Variants in SMC5 observed in about 807,000 individuals in gnomAD.
SMC5 encodes the protein structural maintenance of chromosomes protein 5.
In SMC5, 88 loss-of-function variants were observed where a neutral mutation model predicts 148.3. That is an observed-to-expected ratio of 0.59 (90% CI 0.50 to 0.71). The LOEUF is 0.71. SMC5 is among the 30% of genes least tolerant of loss of function. The pLI is 0.00. For missense variants in SMC5, 1,142 were observed against 1,298.9 expected, an observed-to-expected ratio of 0.88 and a Z score of 1.86; for synonymous variants, 421 against 432.8, an observed-to-expected ratio of 0.97 and a Z score of 0.34.
chr9:70,290,587 G>T (rs2118290278), intron 8 of SMC5, among the ~76,000 whole-genome samples: 1 of 152,196 alleles, frequency 6.6e-6, no homozygotes, highest in Non-Finnish European at 1.5e-5. Context: ...ACCTTTGCGG[G>T]TTCTCTTGAT....
Position 70,350,195 on chromosome 9 carries a change from C to G in SMC5, c.2971C>G (p.Gln991Glu). The G allele has an allele frequency of 6.2e-7, 1 of 1,613,350 alleles. No individual in the cohort carries two copies. The highest frequency in any genetic ancestry group is 8.5e-7 in the Non-Finnish European group (1 of 1,179,574). ...ACTGCATGAATTAACTCCTCATCAT[C>G]AAAGTGGAGGTGAAAGAAGTGTTTC... ...TQLHELTPHH[Q>E]SGGERSVSTM... Residue 991 changes from glutamine (Q) to glutamate (E), a missense_variant, in exon 23 of 25, where the codon CAA becomes GAA. Physicochemically the swap from Gln to Glu is conservative, Grantham distance 29 (BLOSUM62 2). Around this residue, in one of 5 missense-constraint regions of SMC5, gnomAD observed 743 missense variants for 835.7 expected, o/e 0.89. Coordinates refer to ENST00000361138, the MANE Select transcript of SMC5 (RefSeq NM_015110.4).
At chr9:70,330,212 G>C (rs2036184304) in intron 17 of SMC5, among the ~76,000 whole-genome samples, 1 of 152,170 alleles carries the variant, frequency 6.6e-6, no homozygotes, top group Non-Finnish European at 1.5e-5. Flanking sequence ...TGACATTTTA[G>C]AGTGGATAAA....
intron 3 of SMC5, among the ~76,000 whole-genome samples, chr9:70,273,588 A>G (rs2034508364): frequency 6.6e-6 from 1 of 152,118 alleles, no homozygotes; most frequent in African/African-American, 2.4e-5. Flanking sequence ...CCTAATATGA[A>G]CAGTTAACGT....
chr9:70,315,377 C>T (rs1228948902), intron 12 of SMC5, 69 bp from the exon 13 acceptor site: 3 of 1,090,908 alleles, frequency 2.7e-6, no homozygotes, highest in African/African-American at 3.2e-5. Flanking sequence ...TTATTGGTGG[C>T]TTATCAACTC....
At chr9:70,323,247 T>G (rs923449151) in intron 15 of SMC5, among the ~76,000 whole-genome samples, 1 of 152,204 alleles carries the variant, frequency 6.6e-6, no homozygotes, top group African/African-American at 2.4e-5. Context: ...GTTTGTTCGT[T>G]TCTGGTTTTT....
In SMC5 at chr9:70,273,172, CA is replaced by C. The variant is rs914173099; in HGVS notation, c.381-4130del. ...CTGATGTGTGTTATAGGGTGTCTTG[CA>C]AAAAAAATCATCTGGCTTTTTTTTT... On this transcript the variant is annotated intron_variant, in intron 3 of 24. Transcript: ENST00000361138. 9.0e-5 allele frequency among the ~76,000 whole-genome samples: 13 copies of C among 144,200 alleles called. No individual in the cohort carries two copies. In the East Asian group the frequency reaches 1.2e-3, roughly 13 times the overall value. The allele number at this position is 144,200 out of a possible 152,430, so 94.6% of individuals were successfully genotyped here. A position where few individuals can be genotyped will look rare whatever the true frequency, so the allele number is the denominator to read the frequency against.
At chr9:70,289,328 G>A (rs921401334) in intron 8 of SMC5, among the ~76,000 whole-genome samples, 2 of 152,068 alleles carry the variant, frequency 1.3e-5, no homozygotes, top group Non-Finnish European at 1.5e-5. Context: ...GTGAGCTACC[G>A]CACCTGGCCT....
chr9:70,295,804 C>T (rs949242234), intron 8 of SMC5, among the ~76,000 whole-genome samples: 1 of 152,026 alleles, frequency 6.6e-6, no homozygotes, highest in Non-Finnish European at 1.5e-5. Context: ...GTTTGGTGGT[C>T]CCTGTTTTGC....
At chr9:70,308,368 G>A (rs2035561949) in intron 11 of SMC5, among the ~76,000 whole-genome samples, 1 of 151,964 alleles carries the variant, frequency 6.6e-6, no homozygotes, top group African/African-American at 2.4e-5. Context: ...CACTTTGGGA[G>A]GCTGAGGGGG....
rs182615265 is a variant in SMC5, at chr9:70,329,526, A to G, written c.2397+5383A>G. Among the ~76,000 whole-genome samples the G allele has an allele frequency of 2.8e-3, 428 of 152,246 alleles. 4 individuals carry two copies. The highest frequency in any genetic ancestry group is 0.01 in the African/African-American group (416 of 41,538). ...AAGAGTGACGTTTACTCGAGTTTCC[A>G]ATAAGTTCCTCATCTCCATCTGAGA... On this transcript the variant is annotated intron_variant, in intron 17 of 24. Transcript: ENST00000361138.
rs763874022 is a variant in SMC5 at position 70,303,247 on chromosome 9, A to AT, written c.1465-2000_1465-1999insT. On this transcript the variant is annotated intron_variant, in intron 10 of 24. Coordinates refer to ENST00000361138, the MANE Select transcript of SMC5 (RefSeq NM_015110.4). ...TGTCTCAAAAAATAGAAAAAAAAAA[A>AT]CAATACAGTCTGGGAGAACGTGATC... Among the ~76,000 whole-genome samples, 651 of 151,920 alleles carry AT rather than the reference A, an allele frequency of 4.3e-3. 2 individuals carry two copies. Among genetic ancestry groups the AT allele is most frequent in the Non-Finnish European group, 7.3e-3 (498 of 67,986 alleles).
At chr9:70,329,814 G>A (rs2036175279) in intron 17 of SMC5, among the ~76,000 whole-genome samples, 1 of 152,174 alleles carries the variant, frequency 6.6e-6, no homozygotes, top group Admixed American at 6.6e-5. Context: ...CTGAGACTGG[G>A]TAATTTATAA....
chr9:70,310,656 A>T (rs1309832026), intron 11 of SMC5, among the ~76,000 whole-genome samples: 1 of 152,180 alleles, frequency 6.6e-6, no homozygotes, highest in Non-Finnish European at 1.5e-5. Context: ...TTTTGAATCC[A>T]GTCATTGATT....
At position 70,298,017 on chromosome 9, in the gene SMC5, C is replaced by G. The variant is rs1425167449; in HGVS notation, c.1105C>G (p.Arg369Gly). The change falls in exon 9 of 25, where the codon CGA (arginine) becomes GGA (glycine). Residue 369 changes from arginine to glycine, a missense_variant. Arg to Gly is a moderately radical substitution (Grantham distance 125). Around this residue, in one of 5 missense-constraint regions of SMC5, gnomAD observed 743 missense variants for 835.7 expected, o/e 0.89. Coordinates refer to ENST00000361138, the MANE Select transcript of SMC5 (RefSeq NM_015110.4). ...LIVKQNEELD[R>G]QRRIGNTRKM... ...AGTAAAGCAAAATGAAGAGCTTGAC[C>G]GACAGAGGAGAATAGGTAATACCCG... 6.2e-7 allele frequency: 1 copy of G among 1,613,772 alleles called. No individual in the cohort carries two copies. Among genetic ancestry groups the G allele is most frequent in the Non-Finnish European group, 8.5e-7 (1 of 1,179,888 alleles).
At chr9:70,326,444 A>G (rs2036077902) in intron 17 of SMC5, among the ~76,000 whole-genome samples, 2 of 152,116 alleles carry the variant, frequency 1.3e-5, no homozygotes, top group Admixed American at 6.6e-5. Flanking sequence ...AAATATCTCA[A>G]TATGCTGCTA....
chr9:70,307,940 C>T (rs1404745612), intron 11 of SMC5, among the ~76,000 whole-genome samples: 2 of 152,170 alleles, frequency 1.3e-5, no homozygotes, highest in Non-Finnish European at 2.9e-5. Flanking sequence ...TAAGATGTTA[C>T]AGGCACATCT....
At chr9:70,344,078 G>A in intron 17 of SMC5, 66 bp from the exon 18 acceptor site, 2 of 991,154 alleles carry the variant, frequency 2.0e-6, no homozygotes, top group South Asian at 2.8e-5. Context: ...ATATGTGGTA[G>A]TTTAATAAAA....
chr9:70,277,628 T>C lies in SMC5; in HGVS notation c.543+156T>C, dbSNP rs117986796. ...GCATTTCATCACTTAGAGTATAATG[T>C]TATTAATTTGTAGTAATTTGGAAAA... On this transcript the variant is annotated intron_variant, in intron 4 of 24. Transcript: ENST00000361138. Among the ~76,000 whole-genome samples the C allele has an allele frequency of 2.9e-3, 439 of 152,284 alleles. 1 individual carries two copies. Among genetic ancestry groups the C allele is most frequent in the Non-Finnish European group, 5.1e-3 (348 of 67,976 alleles).
At chr9:70,292,946 G>C (rs2035103640) in intron 8 of SMC5, among the ~76,000 whole-genome samples, 1 of 152,064 alleles carries the variant, frequency 6.6e-6, no homozygotes, top group Non-Finnish European at 1.5e-5. Flanking sequence ...GAGTTATACT[G>C]TTTTGTAGTC....
Sources: gnomAD v4.1 joint callset for allele counts (sites outside exome capture counted in the v4.1 genomes callset) on GRCh38, gnomAD v4.1.1 for gene constraint, gnomAD v4.1.1 regional missense constraint, MANE v1.5 for transcripts, NCBI Gene and HGNC (gene_info 2026-07-23, HGNC 2026-07-21) for gene names.